Variants in MEI1 observed in about 807,000 individuals in gnomAD.
The protein encoded by MEI1 is meiotic double-stranded break formation protein 1, also known as meiosis inhibitor protein 1.
Under a neutral mutation model 146.2 loss-of-function variants are expected in MEI1, and 103 were observed. That is an observed-to-expected ratio of 0.70 (90% CI 0.60 to 0.83). The LOEUF (loss-of-function observed/expected upper bound fraction) is 0.83, where lower values mean the gene tolerates loss of function less well. Among genes scored for constraint, MEI1 ranks in the 40% least tolerant of loss-of-function variants. The pLI is 0.00. For synonymous variants in MEI1, 652 were observed against 628.2 expected (o/e 1.04, Z -0.57); for missense variants, 1,529 against 1,533.0 (o/e 1.00, Z 0.04).
chr22:41,705,477 C>G, intron 2 of MEI1, 27 bp from the exon 3 acceptor site: 8 of 1,611,760 alleles, frequency 5.0e-6, no homozygotes, highest in Non-Finnish European at 6.8e-6. Flanking sequence ...GCCTAACCAC[C>G]CCTTTCTTAC....
intron 20 of MEI1, among the ~76,000 whole-genome samples, chr22:41,772,303 C>T (rs1284404511): frequency 1.3e-5 from 2 of 152,048 alleles, no homozygotes; most frequent in South Asian, 2.1e-4. Context: ...CTCACTGCAG[C>T]GTCAATCTTC....
chr22:41,749,513 G>T (rs2073595836), intron 15 of MEI1, among the ~76,000 whole-genome samples: 1 of 152,164 alleles, frequency 6.6e-6, no homozygotes, highest in Non-Finnish European at 1.5e-5. Context: ...CACTTCAGGT[G>T]ATCTGGCCAC....
At chr22:41,710,538 G>A (rs2069458261) in intron 3 of MEI1, among the ~76,000 whole-genome samples, 1 of 152,180 alleles carries the variant, frequency 6.6e-6, no homozygotes, top group Admixed American at 6.5e-5. Flanking sequence ...TCAGAGTGGT[G>A]TCTTTCAGAT....
chr22:41,758,660 T>G, intron 18 of MEI1, 127 bp downstream of exon 18: 1 of 978,584 alleles, frequency 1.0e-6, no homozygotes, highest in East Asian at 2.7e-5. Context: ...AAGTAAGAAA[T>G]GGGTTGTGTC....
At chr22:41,784,483 G>T in intron 25 of MEI1, 63 bp downstream of exon 25, 1 of 1,599,718 alleles carries the variant, frequency 6.3e-7, no homozygotes. Context: ...GATAAGACCA[G>T]CACCCTGACC....
intron 4 of MEI1, 95 bp downstream of exon 4, chr22:41,714,170 G>C: frequency 8.2e-7 from 1 of 1,224,782 alleles, no homozygotes; most frequent in Non-Finnish European, 1.2e-6. Context: ...GAAGTCCAGG[G>C]AGGAAAAGGA....
chr22:41,765,452 G>C (rs1490358238), intron 19 of MEI1, among the ~76,000 whole-genome samples: 1 of 152,164 alleles, frequency 6.6e-6, no homozygotes, highest in Non-Finnish European at 1.5e-5. Context: ...CCGCACTCCA[G>C]CCTGGGTGAC....
intron 19 of MEI1, among the ~76,000 whole-genome samples, chr22:41,769,889 C>T (rs902637067): frequency 6.6e-6 from 1 of 151,726 alleles, no homozygotes; most frequent in Admixed American, 6.6e-5. Context: ...AATCCCAGCA[C>T]TTTAGGAGGC....
intron 11 of MEI1, among the ~76,000 whole-genome samples, chr22:41,735,936 A>G (rs1443847287): frequency 1.3e-5 from 2 of 152,218 alleles, no homozygotes; most frequent in Non-Finnish European, 2.9e-5. Flanking sequence ...TTAGTTTCCT[A>G]TTGCTACAGG....
At chr22:41,747,736 C>CCAAA (rs1569240908) in intron 14 of MEI1, among the ~76,000 whole-genome samples, 5 of 133,182 alleles carry the variant, frequency 3.8e-5, no homozygotes, top group Admixed American at 7.6e-5. Flanking sequence ...CCCACCCCCC[C>CCAAA]AAAAAAAACA....
chr22:41,706,479 G>A (rs901940325), intron 3 of MEI1, among the ~76,000 whole-genome samples: 10 of 152,224 alleles, frequency 6.6e-5, no homozygotes, highest in Middle Eastern at 3.4e-3. Context: ...CTGTTACAAA[G>A]GCACATACAA....
At chr22:41,789,040 G>T (rs150579180) in intron 26 of MEI1, among the ~76,000 whole-genome samples, 2 of 152,126 alleles carry the variant, frequency 1.3e-5, no homozygotes, top group Non-Finnish European at 2.9e-5. Flanking sequence ...AAGGCCAGGC[G>T]CAGTGGCTCA....
intron 18 of MEI1, among the ~76,000 whole-genome samples, chr22:41,759,656 T>A (rs979373109): frequency 1.5e-5 from 2 of 131,752 alleles, no homozygotes; most frequent in African/African-American, 5.6e-5. Flanking sequence ...AATAAATAAA[T>A]AAATAAAAAT....
chr22:41,704,737 T>C (rs2068956240), intron 2 of MEI1, among the ~76,000 whole-genome samples: 1 of 152,006 alleles, frequency 6.6e-6, no homozygotes, highest in Non-Finnish European at 1.5e-5. Flanking sequence ...TTTTTTGAGA[T>C]GGAGTCTTGC....
chr22:41,718,013 T>G, intron 5 of MEI1, 58 bp from the exon 6 acceptor site: 1 of 1,341,058 alleles, frequency 7.5e-7, no homozygotes, highest in Non-Finnish European at 1.0e-6. Context: ...GATTGGAGTT[T>G]CATATAGCAG....
chr22:41,760,002 C>T (rs1411996687), intron 18 of MEI1, among the ~76,000 whole-genome samples: 3 of 151,712 alleles, frequency 2.0e-5, no homozygotes, highest in Admixed American at 6.6e-5. Context: ...GGTGAAACCC[C>T]ATCTCTACTA....
At chr22:41,792,319 T>A (rs760394247) in intron 26 of MEI1, among the ~76,000 whole-genome samples, 3 of 152,112 alleles carry the variant, frequency 2.0e-5, no homozygotes, top group Non-Finnish European at 2.9e-5. Context: ...AGCAGTTGGG[T>A]GGCCCAGTGC....
At chr22:41,768,664 A>G (rs1004094389) in intron 19 of MEI1, among the ~76,000 whole-genome samples, 1 of 152,162 alleles carries the variant, frequency 6.6e-6, no homozygotes, top group African/African-American at 2.4e-5. Context: ...CATATCTTAT[A>G]TGGCTGGAGA....
intron 7 of MEI1, among the ~76,000 whole-genome samples, chr22:41,724,592 T>C (rs1456571607): frequency 7.2e-6 from 1 of 139,230 alleles, no homozygotes; most frequent in Non-Finnish European, 1.5e-5. Context: ...CACTCCAGCC[T>C]GGTGACAGAA....
Sources: gnomAD v4.1 joint callset for allele counts (sites outside exome capture counted in the v4.1 genomes callset) on GRCh38, gnomAD v4.1.1 for gene constraint, MANE v1.5 for transcripts, NCBI Gene and HGNC (gene_info 2026-07-23, HGNC 2026-07-21) for gene names.